STIMATE: variants seen among roughly 807,000 people sequenced by gnomAD.
STIMATE encodes the protein STIM activating enhancer, also known as store-operated calcium entry regulator STIMATE.
STIMATE carries 15 observed loss-of-function variants against 36.7 expected under a neutral mutation model. The observed-to-expected ratio is 0.41, with a 90% CI of 0.27 to 0.63. STIMATE has a LOEUF of 0.63. Among genes scored for constraint, STIMATE ranks in the 20% least tolerant of loss-of-function variants. STIMATE has a pLI of 0.32. For synonymous variants in STIMATE, 163 were observed against 162.3 expected (o/e 1.00, Z -0.03); for missense variants, 305 against 397.3 (o/e 0.77, Z 1.98).
At chr3:52,881,010 G>A (rs2106718794) in intron 1 of STIMATE, among the ~76,000 whole-genome samples, 2 of 152,146 alleles carry the variant, frequency 1.3e-5, no homozygotes, top group Admixed American at 1.3e-4. Context: ...CCAACATGGT[G>A]AAACCCTGTC....
intron 1 of STIMATE, among the ~76,000 whole-genome samples, chr3:52,863,024 G>T (rs1233169354): frequency 6.6e-6 from 1 of 152,230 alleles, no homozygotes; most frequent in Non-Finnish European, 1.5e-5. Context: ...GCTGGAGGGA[G>T]TGTGGCCGCT....
chr3:52,895,809 C>T lies in STIMATE; in HGVS notation c.160+1482G>A, dbSNP rs559890490. The T allele has an allele frequency of 2.6e-6, 3 of 1,157,816 alleles. No homozygotes were observed. The African/African-American group carries it at 4.8e-5, about 18-fold the overall frequency. 71.7% of individuals were successfully genotyped at this position (1,157,816 alleles called of 1,614,324 possible). A position where few individuals can be genotyped will look rare whatever the true frequency, so the allele number is the denominator to read the frequency against. On this transcript the variant is annotated intron_variant, in intron 1 of 7. Transcript: ENST00000355083. ...GAGCAAAAGAAAAATTTAACCTACACTTCCTTCAGAGAGAAAGGAAGGCTG... is the reference window on the plus strand; with the variant it reads ...GAGCAAAAGAAAAATTTAACCTACATTTCCTTCAGAGAGAAAGGAAGGCTG...
At chr3:52,892,605 C>T (rs916296709) in intron 1 of STIMATE, among the ~76,000 whole-genome samples, 1 of 152,226 alleles carries the variant, frequency 6.6e-6, no homozygotes, top group African/African-American at 2.4e-5. Context: ...TCAGCTGTCA[C>T]TGTATTCTGT....
chr3:52,874,204 A>T (rs1458330994), intron 1 of STIMATE, among the ~76,000 whole-genome samples: 1 of 152,190 alleles, frequency 6.6e-6, no homozygotes, highest in East Asian at 1.9e-4. Context: ...TGATTATGCA[A>T]TGGATGTCAA....
At chr3:52,891,645 T>G (rs1701783935) in intron 1 of STIMATE, among the ~76,000 whole-genome samples, 1 of 152,038 alleles carries the variant, frequency 6.6e-6, no homozygotes, top group Admixed American at 6.5e-5. Context: ...TCACACTCAC[T>G]GTGCTGGCTG....
intron 1 of STIMATE, among the ~76,000 whole-genome samples, chr3:52,876,349 AT>A (rs1338311507): frequency 5.9e-5 from 9 of 152,232 alleles, no homozygotes; most frequent in African/African-American, 2.2e-4. Context: ...TGGTCCCTTG[AT>A]ACAAAACGCA....
chr3:52,874,128 T>C (rs1701459582), intron 1 of STIMATE, among the ~76,000 whole-genome samples: 1 of 152,214 alleles, frequency 6.6e-6, no homozygotes, highest in Admixed American at 6.5e-5. Flanking sequence ...TGCAGCATTG[T>C]CTTTAAGAGT....
chr3:52,844,811 T>C lies in STIMATE; in HGVS notation c.540+18A>G, dbSNP rs781619123. ...GCTCAGCGTGGCAAGGAGCTGCTCA[T>C]GCAGGGACGAAGCAAACCTTTTTCC... On this transcript the variant is annotated intron_variant, in intron 5 of 7. Transcript: ENST00000355083. 11 of 1,613,250 alleles carry C rather than the reference T, an allele frequency of 6.8e-6. No individual in the cohort carries two copies. The South Asian group carries it at 8.8e-5, about 13-fold the overall frequency.
rs182666165 is a variant in STIMATE at position 52,894,756 on chromosome 3, T to G, written c.160+2535A>C. Among the ~76,000 whole-genome samples, 3 of 152,312 alleles carry G rather than the reference T, an allele frequency of 2.0e-5. No individual in the cohort carries two copies. In the East Asian group the frequency reaches 5.8e-4, roughly 29 times the overall value. On this transcript the variant is annotated intron_variant, in intron 1 of 7. Coordinates refer to ENST00000355083, the MANE Select transcript of STIMATE (RefSeq NM_198563.5). ...GCTGGTCCAACAGGAAACAATAGTG[T>G]TGGCCATCAGGACTGGGGAAGCGTT...
intron 1 of STIMATE, among the ~76,000 whole-genome samples, chr3:52,893,971 C>T (rs1376980046): frequency 6.6e-6 from 1 of 152,188 alleles, no homozygotes; most frequent in Admixed American, 6.5e-5. Flanking sequence ...GTTGGCTACC[C>T]TGCACTGGAA....
intron 4 of STIMATE, chr3:52,847,378 C>G (rs1700925814): frequency 1.9e-5 from 24 of 1,255,088 alleles, no homozygotes; most frequent in Non-Finnish European, 2.5e-5. Context: ...GGATGGGCAG[C>G]AAGACCCATG....
At chr3:52,847,305 T>C in intron 4 of STIMATE, 1 of 1,187,546 alleles carries the variant, frequency 8.4e-7, no homozygotes, top group South Asian at 1.6e-5. Context: ...GTCACAGCAA[T>C]AGGGGCCAAA....
In STIMATE at chr3:52,865,469, A is replaced by G. The variant is rs551450052; in HGVS notation, c.161-10025T>C. 2.0e-5 allele frequency among the ~76,000 whole-genome samples: 3 copies of G among 152,356 alleles called. No homozygotes were observed. The East Asian group carries it at 5.8e-4, about 29-fold the overall frequency. ...GATTTAATTGGACTTATAGTTCCACATGGCTGGGGAGGCCTCAGAATCATG... is the reference window on the plus strand; with the variant it reads ...GATTTAATTGGACTTATAGTTCCACGTGGCTGGGGAGGCCTCAGAATCATG... On this transcript the variant is annotated intron_variant, in intron 1 of 7. Transcript: ENST00000355083.
intron 4 of STIMATE, among the ~76,000 whole-genome samples, 153 bp downstream of exon 4, chr3:52,849,638 CT>C (rs3216716): frequency 0.89 from 135,384 of 152,100 alleles, 62,153 homozygotes; most frequent in Non-Finnish European, 1. Context: ...GGAGGGTGTG[CT>C]CAAACCCAGA....
At chr3:52,879,683 T>C (rs932852809) in intron 1 of STIMATE, among the ~76,000 whole-genome samples, 1 of 152,176 alleles carries the variant, frequency 6.6e-6, no homozygotes, top group Admixed American at 6.5e-5. Flanking sequence ...TCTCTCAAAT[T>C]TTCCTTCCAC....
intron 4 of STIMATE, chr3:52,846,522 T>C (rs1027809092): frequency 6.6e-6 from 1 of 152,246 alleles, no homozygotes. Flanking sequence ...TATGGAAGGA[T>C]GTCCGCTCGC....
At chr3:52,842,068 T>C (rs950664715) in intron 7 of STIMATE, among the ~76,000 whole-genome samples, 2 of 152,216 alleles carry the variant, frequency 1.3e-5, no homozygotes, top group African/African-American at 4.8e-5. Flanking sequence ...TTAGAACATA[T>C]TACGGTGTCA....
intron 1 of STIMATE, among the ~76,000 whole-genome samples, chr3:52,880,664 T>C (rs114402966): frequency 0.012 from 1,881 of 152,138 alleles, 24 homozygotes; most frequent in Non-Finnish European, 0.019. Context: ...GGGAGATCCA[T>C]CAACTGCCTC....
intron 1 of STIMATE, among the ~76,000 whole-genome samples, chr3:52,893,124 C>T (rs1701807929): frequency 2.0e-5 from 3 of 151,576 alleles, no homozygotes; most frequent in South Asian, 2.1e-4. Context: ...CGTAACCAGA[C>T]ACAACGTGTG....
Sources: gnomAD v4.1 joint callset for allele counts (sites outside exome capture counted in the v4.1 genomes callset) on GRCh38, gnomAD v4.1.1 for gene constraint, MANE v1.5 for transcripts, NCBI Gene and HGNC (gene_info 2026-07-23, HGNC 2026-07-21) for gene names.